Variants in LRMDA observed in about 807,000 individuals in gnomAD.
The protein encoded by LRMDA is leucine-rich melanocyte differentiation-associated protein.
LRMDA carries 18 observed loss-of-function variants against 29.8 expected under a neutral mutation model. The ratio of observed to expected loss-of-function variants is 0.60; its 90% CI spans 0.42 to 0.90. LRMDA has a LOEUF of 0.90. Ranked by LOEUF, LRMDA falls within the 40% of genes least tolerant of loss-of-function variation. The pLI is 0.00. For missense variants in LRMDA, 273 were observed against 273.9 expected (o/e 1.00, Z 0.02); for synonymous variants, 125 against 109.4 (o/e 1.14, Z -0.89).
intron 6 of LRMDA, among the ~76,000 whole-genome samples, chr10:76,429,182 C>A (rs1842163912): frequency 6.6e-6 from 1 of 151,840 alleles, no homozygotes; most frequent in South Asian, 2.1e-4. Context: ...AAAAAAGTTA[C>A]AGCCGCCAAG....
intron 2 of LRMDA, among the ~76,000 whole-genome samples, chr10:75,726,646 T>C (rs1377651553): frequency 2.0e-5 from 3 of 152,228 alleles, no homozygotes; most frequent in African/African-American, 4.8e-5. Flanking sequence ...AAACTCATGA[T>C]ACAGAGGTTT....
At chr10:75,952,608 G>A (rs1846595469) in intron 2 of LRMDA, among the ~76,000 whole-genome samples, 1 of 152,198 alleles carries the variant, frequency 6.6e-6, no homozygotes, top group South Asian at 2.1e-4. Context: ...TATCATGGCA[G>A]AAATAAGATC....
At chr10:75,913,450 C>T (rs970733330) in intron 2 of LRMDA, among the ~76,000 whole-genome samples, 4 of 152,040 alleles carry the variant, frequency 2.6e-5, no homozygotes, top group Non-Finnish European at 4.4e-5. Context: ...AGCGAGACTC[C>T]GTCTTGGGGG....
intron 2 of LRMDA, among the ~76,000 whole-genome samples, chr10:75,932,318 G>C (rs1263099079): frequency 6.6e-6 from 1 of 152,072 alleles, no homozygotes; most frequent in African/African-American, 2.4e-5. Flanking sequence ...CTTCCAATTG[G>C]GTATAATAGA....
chr10:75,501,855 C>T (rs937664353), intron 2 of LRMDA, among the ~76,000 whole-genome samples: 2 of 152,140 alleles, frequency 1.3e-5, no homozygotes, highest in African/African-American at 2.4e-5. Context: ...GATAGAGTCT[C>T]ACTATGTTGC....
intron 5 of LRMDA, among the ~76,000 whole-genome samples, chr10:76,247,865 A>G (rs1852403969): frequency 6.6e-6 from 1 of 152,150 alleles, no homozygotes; most frequent in Admixed American, 6.5e-5. Context: ...GAGGTTGAGA[A>G]TATTTGGAGC....
intron 2 of LRMDA, among the ~76,000 whole-genome samples, chr10:75,671,739 A>G (rs1057024892): frequency 3.3e-5 from 5 of 151,234 alleles, no homozygotes; most frequent in African/African-American, 1.2e-4. Context: ...ATACCTATGT[A>G]ACAAACCTGC....
intron 5 of LRMDA, among the ~76,000 whole-genome samples, chr10:76,085,099 A>C (rs1281334129): frequency 6.6e-6 from 1 of 152,164 alleles, no homozygotes; most frequent in African/African-American, 2.4e-5. Context: ...AATAACCTAG[A>C]GAAGGTTGTA....
chr10:76,027,466 C>T (rs760712666), intron 2 of LRMDA, among the ~76,000 whole-genome samples: 1 of 152,134 alleles, frequency 6.6e-6, no homozygotes, highest in Non-Finnish European at 1.5e-5. Context: ...TGATAAACTC[C>T]TTACCTGGGG....
At chr10:76,441,473 A>G (rs539581398) in intron 6 of LRMDA, among the ~76,000 whole-genome samples, 12 of 152,316 alleles carry the variant, frequency 7.9e-5, no homozygotes, top group Non-Finnish European at 1.5e-4. Flanking sequence ...GAATGTTGGG[A>G]CTGTTAAACA....
At chr10:76,267,402 G>A (rs1840019917) in intron 5 of LRMDA, among the ~76,000 whole-genome samples, 2 of 151,954 alleles carry the variant, frequency 1.3e-5, no homozygotes, top group South Asian at 2.1e-4. Context: ...AGTGTTGTGC[G>A]ACCATCACAA....
chr10:76,027,143 G>GAA, intron 2 of LRMDA, among the ~76,000 whole-genome samples: 1 of 152,110 alleles, frequency 6.6e-6, no homozygotes, highest in Non-Finnish European at 1.5e-5. Flanking sequence ...GTTGTCCTTG[G>GAA]ATGGTGTTTC....
intron 2 of LRMDA, among the ~76,000 whole-genome samples, chr10:75,972,372 C>T (rs555858917): frequency 6.6e-6 from 1 of 151,604 alleles, no homozygotes; most frequent in South Asian, 2.1e-4. Flanking sequence ...CTATGGTGTC[C>T]CAAGGAAAAA....
At chr10:76,460,845 G>A (rs1228404581) in intron 6 of LRMDA, among the ~76,000 whole-genome samples, 3 of 152,152 alleles carry the variant, frequency 2.0e-5, no homozygotes, top group Admixed American at 2.0e-4. Context: ...TCCCTCCATA[G>A]GGGAGGGTGC....
chr10:75,844,936 C>T (rs1320697619), intron 2 of LRMDA, among the ~76,000 whole-genome samples: 2 of 152,158 alleles, frequency 1.3e-5, no homozygotes, highest in Non-Finnish European at 2.9e-5. Context: ...TCAGTTGCTG[C>T]AAATTTATTT....
chr10:76,363,276 A>AAGGAAAGGAAGGAAGGAAGG (rs1218743181), intron 6 of LRMDA, among the ~76,000 whole-genome samples: 9 of 58,870 alleles, frequency 1.5e-4, no homozygotes, highest in African/African-American at 5.9e-4. Context: ...GGAAGGAAGG[A>AAGGAAAGGAAGGAAGGAAGG]AAGGAAGGAA....
intron 2 of LRMDA, among the ~76,000 whole-genome samples, chr10:75,689,893 A>T (rs1003084253): frequency 2.0e-5 from 3 of 152,148 alleles, no homozygotes; most frequent in Non-Finnish European, 2.9e-5. Context: ...CCCCACATGC[A>T]TGTGTGATGG....
chr10:76,246,863 G>A (rs1852387435), intron 5 of LRMDA, among the ~76,000 whole-genome samples: 1 of 152,174 alleles, frequency 6.6e-6, no homozygotes, highest in Admixed American at 6.5e-5. Flanking sequence ...AAAGATGGGT[G>A]CTGCTAAGGG....
At chr10:75,587,664 C>T (rs906021540) in intron 2 of LRMDA, among the ~76,000 whole-genome samples, 1 of 152,202 alleles carries the variant, frequency 6.6e-6, no homozygotes, top group Non-Finnish European at 1.5e-5. Context: ...CTTTAGATAA[C>T]TTGAACCTGG....
Sources: allele counts gnomAD v4.1 joint callset (sites outside exome capture counted in the v4.1 genomes callset), GRCh38; gene constraint gnomAD v4.1.1; transcripts MANE v1.5; gene names NCBI Gene and HGNC (gene_info 2026-07-23, HGNC 2026-07-21).